Variants in ZMAT4 observed in about 807,000 individuals in gnomAD.
ZMAT4 encodes the protein zinc finger matrin-type protein 4.
In ZMAT4, 17 loss-of-function variants were observed where a neutral mutation model predicts 28.7. That is an observed-to-expected ratio of 0.59 (90% confidence interval 0.41 to 0.89). The LOEUF is 0.89. Ranked by LOEUF, ZMAT4 falls within the 40% of genes least tolerant of loss-of-function variation. The pLI is 0.00. For synonymous variants in ZMAT4, 117 were observed against 109.2 expected, an observed-to-expected ratio of 1.07 and a Z score of -0.44; for missense variants, 240 against 283.8, an observed-to-expected ratio of 0.85 and a Z score of 1.11.
chr8:40,805,837 C>T (rs959839287), intron 2 of ZMAT4, among the ~76,000 whole-genome samples: 2 of 149,902 alleles, frequency 1.3e-5, no homozygotes, highest in East Asian at 3.9e-4. Flanking sequence ...ATACCTAATG[C>T]GAGATGACGA....
At position 40,601,460 on chromosome 8, in the gene ZMAT4, G is replaced by A. The variant is rs1211211762; in HGVS notation, c.578-20199C>T. ...AGGAAGGAAGGAAGGAAGGAAGGGA[G>A]GAAGAAAGGAAAGAAAGAAAGAAAG... On this transcript the variant is annotated intron_variant, in intron 5 of 6. Coordinates refer to ENST00000297737, the MANE Select transcript of ZMAT4 (RefSeq NM_024645.3). 1.4e-4 allele frequency among the ~76,000 whole-genome samples: 3 copies of A among 21,608 alleles called. 1 individual carries two copies. Among genetic ancestry groups the A allele is most frequent in the East Asian group, 5.2e-3 (1 of 192 alleles). 14.2% of individuals were successfully genotyped at this position (21,608 alleles called of 152,430 possible).
chr8:40,767,552 T>G, intron 3 of ZMAT4, 89 bp downstream of exon 3: 1 of 1,058,354 alleles, frequency 9.4e-7, no homozygotes, highest in Non-Finnish European at 1.4e-6. Flanking sequence ...TTTCTATGAA[T>G]CTGGACTAGA....
intron 3 of ZMAT4, among the ~76,000 whole-genome samples, chr8:40,717,235 C>G (rs899734107): frequency 6.6e-6 from 1 of 152,212 alleles, no homozygotes; most frequent in African/African-American, 2.4e-5. Context: ...GAGATTTCCA[C>G]TCACCATTTA....
chr8:40,712,150 T>A (rs1810651656), intron 3 of ZMAT4, among the ~76,000 whole-genome samples: 3 of 152,172 alleles, frequency 2.0e-5, no homozygotes, highest in African/African-American at 7.2e-5. Flanking sequence ...CTGTAAGGCA[T>A]AAGGAGTTCA....
At chr8:40,893,725 A>T (rs977805964) in intron 1 of ZMAT4, among the ~76,000 whole-genome samples, 2 of 152,172 alleles carry the variant, frequency 1.3e-5, no homozygotes, top group Non-Finnish European at 2.9e-5. Context: ...TGGATAAATT[A>T]CACGTGGCAG....
At chr8:40,764,845 T>G (rs1813082931) in intron 3 of ZMAT4, among the ~76,000 whole-genome samples, 1 of 152,112 alleles carries the variant, frequency 6.6e-6, no homozygotes, top group African/African-American at 2.4e-5. Flanking sequence ...TTATTATTAT[T>G]TTTAGAGACA....
At chr8:40,779,733 C>T (rs1306544304) in intron 2 of ZMAT4, among the ~76,000 whole-genome samples, 1 of 152,160 alleles carries the variant, frequency 6.6e-6, no homozygotes, top group Non-Finnish European at 1.5e-5. Flanking sequence ...GCTTTCCTTT[C>T]CTCTCTTTTC....
chr8:40,580,402 T>C (rs1390068112), intron 6 of ZMAT4, among the ~76,000 whole-genome samples: 2 of 152,208 alleles, frequency 1.3e-5, no homozygotes, highest in Non-Finnish European at 2.9e-5. Context: ...TCATAATTCA[T>C]GAGGTCTTGA....
chr8:40,649,303 C>A (rs1162986407), intron 5 of ZMAT4, among the ~76,000 whole-genome samples: 1 of 151,934 alleles, frequency 6.6e-6, no homozygotes, highest in African/African-American at 2.4e-5. Context: ...GACTTTAAAC[C>A]AACAAAGATC....
chr8:40,792,054 A>G (rs969827060), intron 2 of ZMAT4, among the ~76,000 whole-genome samples: 10 of 152,226 alleles, frequency 6.6e-5, no homozygotes, highest in African/African-American at 2.2e-4. Flanking sequence ...GGTTGAAACT[A>G]GTCTGACTGG....
At chr8:40,656,373 C>A (rs1467977667) in intron 5 of ZMAT4, among the ~76,000 whole-genome samples, 1 of 152,054 alleles carries the variant, frequency 6.6e-6, no homozygotes, top group Non-Finnish European at 1.5e-5. Context: ...ATCACTTTTG[C>A]AAACACTTTG....
chr8:40,855,325 G>C (rs1817258815), intron 1 of ZMAT4, among the ~76,000 whole-genome samples: 1 of 152,070 alleles, frequency 6.6e-6, no homozygotes, highest in African/African-American at 2.4e-5. Flanking sequence ...GGGCTTTTCT[G>C]CTGCCTGCTT....
At chr8:40,635,209 AG>A (rs1806746534) in intron 5 of ZMAT4, among the ~76,000 whole-genome samples, 2 of 152,226 alleles carry the variant, frequency 1.3e-5, no homozygotes, top group Non-Finnish European at 2.9e-5. Flanking sequence ...CACTTAGCCA[AG>A]GCATCGAAAT....
intron 1 of ZMAT4, among the ~76,000 whole-genome samples, chr8:40,843,327 G>T (rs1225187842): frequency 6.6e-6 from 1 of 152,004 alleles, no homozygotes; most frequent in Non-Finnish European, 1.5e-5. Context: ...CATGACAAAG[G>T]CCCCAGATGT....
intron 4 of ZMAT4, among the ~76,000 whole-genome samples, chr8:40,684,193 A>C (rs1221586450): frequency 6.6e-6 from 1 of 152,238 alleles, no homozygotes; most frequent in Non-Finnish European, 1.5e-5. Flanking sequence ...GCAAAAGAAA[A>C]AGAAAAGTAC....
chr8:40,784,039 C>G (rs1281305498), intron 2 of ZMAT4, among the ~76,000 whole-genome samples: 1 of 151,934 alleles, frequency 6.6e-6, no homozygotes, highest in Non-Finnish European at 1.5e-5. Flanking sequence ...GAAATGATCA[C>G]CAACCACTTC....
At chr8:40,619,132 T>A (rs1422765955) in intron 5 of ZMAT4, among the ~76,000 whole-genome samples, 2 of 152,164 alleles carry the variant, frequency 1.3e-5, no homozygotes, top group African/African-American at 4.8e-5. Flanking sequence ...TCCCTGATGC[T>A]TTCAGCTGGC....
At chr8:40,813,657 G>A (rs970696833) in intron 2 of ZMAT4, among the ~76,000 whole-genome samples, 3 of 152,220 alleles carry the variant, frequency 2.0e-5, no homozygotes, top group Admixed American at 6.5e-5. Flanking sequence ...CCAGAGACCC[G>A]GTGAGTCAGA....
intron 6 of ZMAT4, among the ~76,000 whole-genome samples, chr8:40,579,982 G>A (rs1804398323): frequency 6.6e-6 from 1 of 151,704 alleles, no homozygotes; most frequent in Admixed American, 6.6e-5. Flanking sequence ...GCCTGGCAGG[G>A]GGAAGAGGAA....
Sources: allele counts gnomAD v4.1 joint callset (sites outside exome capture counted in the v4.1 genomes callset), GRCh38; gene constraint gnomAD v4.1.1; transcripts MANE v1.5; gene names NCBI Gene and HGNC (gene_info 2026-07-23, HGNC 2026-07-21).